CEACAM1: variants seen among roughly 807,000 people sequenced by gnomAD.
CEACAM1 encodes the protein CEA cell adhesion molecule 1.
CEACAM1 carries 31 observed loss-of-function variants against 49.1 expected under a neutral mutation model. That is an observed-to-expected ratio of 0.63 (90% CI 0.47 to 0.85). The LOEUF is 0.85. CEACAM1 is among the 40% of genes least tolerant of loss of function. The probability of loss-of-function intolerance (pLI) is 0.00; values close to 1 mark genes in which losing one functional copy is unlikely to be tolerated. For missense variants in CEACAM1, 570 were observed against 645.3 expected, an observed-to-expected ratio of 0.88 and a Z score of 1.26; for synonymous variants, 244 against 247.8, an observed-to-expected ratio of 0.98 and a Z score of 0.14.
chr19:42,514,373 C>T (rs1044759972), intron 5 of CEACAM1, among the ~76,000 whole-genome samples: 3 of 152,064 alleles, frequency 2.0e-5, no homozygotes, highest in South Asian at 2.1e-4. Context: ...TCAGGTGACC[C>T]GCCTGCCTCA....
chr19:42,520,993 C>A (rs926727344), intron 4 of CEACAM1: 16 of 446,534 alleles, frequency 3.6e-5, no homozygotes, highest in Non-Finnish European at 5.6e-5. Flanking sequence ...TCTGCTTCCC[C>A]CTCTGTGAAG....
chr19:42,511,239 A>G (rs1568649646), intron 7 of CEACAM1: 1 of 567,912 alleles, frequency 1.8e-6, no homozygotes, highest in East Asian at 2.9e-5. Flanking sequence ...CAGCACCCAC[A>G]AGATAAGGAA....
chr19:42,518,947 C>G lies in CEACAM1; in HGVS notation c.1246+1G>C. 1 of 1,614,158 alleles carries G rather than the reference C, an allele frequency of 6.2e-7. No homozygotes were observed. Among genetic ancestry groups the G allele is most frequent in the Admixed American group, 1.7e-5 (1 of 60,028 alleles). On this transcript the variant is annotated splice_donor_variant, in intron 5 of 8. Coordinates refer to ENST00000161559, the MANE Select transcript of CEACAM1 (RefSeq NM_001712.5). LOFTEE classifies it high-confidence loss of function. ...ATAGGAAGGGGTGAGGAGTCACTTA[C>G]AGTTTACGTTCAGCATGATGGGGTC...
rs1363100818 is a variant in CEACAM1 at position 42,509,120 on chromosome 19, T to C, written c.1570A>G (p.Lys524Glu). 6.2e-7 allele frequency: 1 copy of C among 1,614,224 alleles called. No homozygotes were observed. Among genetic ancestry groups the C allele is most frequent in the South Asian group, 1.1e-5 (1 of 91,080 alleles). ...CAGGACAGGTTTCATTACTGCTTTT[T>C]TACTTCTGAATAAATTATTTCTGTG... is the stretch of plus-strand genomic sequence containing the variant. ...TATEIIYSEV[K>E]KQ The change falls in exon 9 of 9, where the codon AAA (lysine) becomes GAA (glutamate). Residue 524 changes from lysine (K) to glutamate (E), a missense_variant. Coordinates refer to ENST00000161559, the MANE Select transcript of CEACAM1 (RefSeq NM_001712.5).
chr19:42,521,608 C>A, intron 3 of CEACAM1, 87 bp from the exon 4 acceptor site: 1 of 1,553,018 alleles, frequency 6.4e-7, no homozygotes, highest in Non-Finnish European at 8.7e-7. Context: ...GTGTTCCTCT[C>A]TACTAAGTCA....
In CEACAM1 at chr19:42,519,032, T is replaced by A; in HGVS notation, c.1162A>T (p.Arg388Trp). 6.5e-7 allele frequency: 1 copy of A among 1,547,976 alleles called. No individual in the cohort carries two copies. Among genetic ancestry groups the A allele is most frequent in the Non-Finnish European group, 8.8e-7 (1 of 1,138,934 alleles). Reference sequence around the variant, plus strand: ...CACCAATACGTCCCAGCATCCTCCCTCTTGACAGGGTTTATGCTGAGGGTG... The same window carrying A: ...CACCAATACGTCCCAGCATCCTCCCACTTGACAGGGTTTATGCTGAGGGTG... ...NTTLSINPVK[R>W]EDAGTYWCEV... Residue 388 changes from arginine (R) to tryptophan (W), a missense_variant, in exon 5 of 9, where the codon AGG becomes TGG. Coordinates refer to ENST00000161559, the MANE Select transcript of CEACAM1 (RefSeq NM_001712.5).
intron 2 of CEACAM1, among the ~76,000 whole-genome samples, chr19:42,524,441 TAG>T (rs1368941201): frequency 2.6e-5 from 4 of 152,138 alleles, no homozygotes; most frequent in African/African-American, 9.7e-5. Flanking sequence ...TGAGTCAGTA[TAG>T]AGAGTGTATG....
chr19:42,510,778 C>G (rs1420943180), intron 8 of CEACAM1, 111 bp downstream of exon 8: 14 of 964,118 alleles, frequency 1.5e-5, no homozygotes, highest in Non-Finnish European at 2.2e-5. Context: ...TGTTGTTGCA[C>G]TGAGGAACAT....
chr19:42,509,242 A>G lies in CEACAM1; in HGVS notation c.1462-14T>C, dbSNP rs10405906. 201,139 of 1,597,940 alleles carry G rather than the reference A, an allele frequency of 0.13. 20,077 individuals carry two copies. The highest frequency in any genetic ancestry group is 0.49 in the African/African-American group (36,298 of 74,618). On this transcript the variant is annotated splice_polypyrimidine_tract_variant and intron_variant, in intron 8 of 8. Coordinates refer to ENST00000161559, the MANE Select transcript of CEACAM1 (RefSeq NM_001712.5). ...AACTTCATTCATCTGAAAAGCACAA[A>G]TAATGATCAGTTAAGTCAGTGACAC...
chr19:42,523,504 A>G (rs776611953), intron 2 of CEACAM1, among the ~76,000 whole-genome samples: 18 of 152,234 alleles, frequency 1.2e-4, no homozygotes, highest in Non-Finnish European at 2.4e-4. Context: ...CAGCATATCT[A>G]CGTTCCTTGT....
chr19:42,528,353 G>C lies in CEACAM1; in HGVS notation c.22C>G (p.Leu8Val), dbSNP rs1317620432. The C allele has an allele frequency of 6.2e-7, 1 of 1,613,966 alleles. No homozygotes were observed. The highest frequency in any genetic ancestry group is 1.1e-5 in the South Asian group (1 of 91,078). Residue 8 changes from leucine to valine, a missense_variant, in exon 1 of 9, where the codon CTT (leucine) becomes GTT (valine). Coordinates refer to ENST00000161559, the MANE Select transcript of CEACAM1 (RefSeq NM_001712.5). The part of the protein sequence containing the change: MGHLSAP[L>V]HRVRVPWQGL... ...TGCCAGGGTACACGCACTCTGTGAA[G>C]TGGGGCTGAGAGGTGCCCCATGGTG...
At chr19:42,512,271 C>T in intron 6 of CEACAM1, 79 bp downstream of exon 6, 1 of 1,536,564 alleles carries the variant, frequency 6.5e-7, no homozygotes, top group Non-Finnish European at 9.0e-7. Flanking sequence ...GGCCCAGAGA[C>T]AGGCAAAGAA....
rs749891689 is a variant in CEACAM1, at chr19:42,512,457, A to G, written c.1269T>C (p.Asn423=). ...NVNYNALPQE[N]GLSPGAIAGI... ...CAGCAATGGCCCCAGGTGAGAGGCC[A>G]TTTTCTTGTGGTAGAGCATTATCTG... Residue 423 remains asparagine (N), a synonymous_variant, in exon 6 of 9, where the codon AAT becomes AAC. Coordinates refer to ENST00000161559, the MANE Select transcript of CEACAM1 (RefSeq NM_001712.5). 3.1e-6 allele frequency: 5 copies of G among 1,614,150 alleles called. No individual in the cohort carries two copies. The South Asian group carries it at 3.3e-5, about 11-fold the overall frequency.
At chr19:42,525,832 T>C (rs998594211) in intron 2 of CEACAM1, 2 of 152,224 alleles carry the variant, frequency 1.3e-5, no homozygotes, top group African/African-American at 4.8e-5. Flanking sequence ...CAGTTTCCCC[T>C]CAGTGAAATA....
At chr19:42,520,355 CTTTA>C (rs754029150) in intron 4 of CEACAM1, among the ~76,000 whole-genome samples, 2 of 152,084 alleles carry the variant, frequency 1.3e-5, no homozygotes, top group African/African-American at 4.8e-5. Flanking sequence ...TGTTGACTGC[CTTTA>C]TTTATTTATT....
At chr19:42,511,318 A>G in intron 7 of CEACAM1, 1 of 586,352 alleles carries the variant, frequency 1.7e-6, no homozygotes, top group Non-Finnish European at 3.0e-6. Context: ...GGCTGAGGAA[A>G]TGGCTCCTGG....
rs749199801 is a variant in CEACAM1, at chr19:42,528,307, T to TC, written c.64+3dup. The TC allele has an allele frequency of 2.5e-6, 4 of 1,613,128 alleles. No individual in the cohort carries two copies. The African/African-American group carries it at 5.3e-5, about 22-fold the overall frequency. On this transcript the variant is annotated splice_donor_region_variant and intron_variant, in intron 1 of 8. Coordinates refer to ENST00000161559, the MANE Select transcript of CEACAM1 (RefSeq NM_001712.5). The stretch of plus-strand genomic sequence containing the variant: ...CGCCCCTTCCCAGGGTGTCCTCCCC[T>TC]CACCTGTGAGCAGAAGCCCCTGCCA...
At chr19:42,524,789 G>A (rs41399646) in intron 2 of CEACAM1, among the ~76,000 whole-genome samples, 1 of 152,286 alleles carries the variant, frequency 6.6e-6, no homozygotes, top group East Asian at 1.9e-4. Context: ...TGACCTTAGA[G>A]ACCCCAGCAA....
chr19:42,518,354 G>C (rs1394198396), intron 5 of CEACAM1, among the ~76,000 whole-genome samples: 3 of 152,014 alleles, frequency 2.0e-5, no homozygotes, highest in Non-Finnish European at 4.4e-5. Context: ...ATTGAGGCGG[G>C]AGTGAGCTTT....
Sources: gnomAD v4.1 joint callset for allele counts (sites outside exome capture counted in the v4.1 genomes callset) on GRCh38, gnomAD v4.1.1 for gene constraint, MANE v1.5 for transcripts, NCBI Gene and HGNC (gene_info 2026-07-23, HGNC 2026-07-21) for gene names.